The following RPL32 variants were observed in gnomAD, a reference collection of about 807,000 sequenced individuals.
RPL32 encodes ribosomal protein L32.
For synonymous variants in RPL32, 61 were observed against 62.6 expected, an observed-to-expected ratio of 0.98 and a Z score of 0.12; for missense variants, 117 against 173.7, an observed-to-expected ratio of 0.67 and a Z score of 1.83.
intron 2 of RPL32, 31 bp from the exon 3 acceptor site, chr3:12,839,561 G>T (rs369052575): frequency 8.1e-6 from 13 of 1,607,062 alleles, no homozygotes; most frequent in African/African-American, 6.7e-5. Context: ...GTGGGTTAGC[G>T]TCTGTGCAGA....
At chr3:12,837,829 T>TA (rs1374365649) in intron 3 of RPL32, among the ~76,000 whole-genome samples, 9 of 151,816 alleles carry the variant, frequency 5.9e-5, no homozygotes, top group African/African-American at 4.9e-5. Flanking sequence ...GTGAAGAAAA[T>TA]AAACTGTCAC....
chr3:12,836,125 T>A lies in RPL32; in HGVS notation c.377A>T (p.Asn126Ile). 1 of 1,609,840 alleles carries A rather than the reference T, an allele frequency of 6.2e-7. No individual in the cohort carries two copies. Among genetic ancestry groups the A allele is most frequent in the Non-Finnish European group, 8.5e-7 (1 of 1,179,960 alleles). The change falls in exon 4 of 4, where the codon AAT becomes ATT. Residue 126 changes from asparagine (N) to isoleucine (I), a missense_variant. Asn to Ile is a moderately radical substitution (Grantham distance 149). Transcript: ENST00000429711. ...AQLAIRVTNP[N>I]ARLRSEENE ...ATTTTCTTCACTGCGCAGCCTGGCA[T>A]TGGGGTTGGTGACTCTGATGGCCAG...
intron 1 of RPL32, chr3:12,840,923 T>C (rs1279331636): frequency 6.2e-6 from 1 of 161,248 alleles, no homozygotes; most frequent in African/African-American, 2.4e-5. Flanking sequence ...GAACCACGTA[T>C]TCAAAACGAC....
In RPL32 at chr3:12,841,485, A is replaced by G. The variant is rs972255841; in HGVS notation, c.-6+9T>C. 7.2e-5 allele frequency: 11 copies of G among 152,270 alleles called. No homozygotes were observed. Among genetic ancestry groups the G allele is most frequent in the African/African-American group, 2.7e-4 (11 of 41,466 alleles). 9.4% of individuals were successfully genotyped at this position (152,270 alleles called of 1,614,324 possible). ...GCAGGAATGCGGATTGCCACGGATT[A>G]ACACTTACCGAGAAGGAGATGGCTG... On this transcript the variant is annotated intron_variant, in intron 1 of 3. Transcript: ENST00000429711.
rs762701558 is a variant in RPL32 at position 12,840,357 on chromosome 3, G to A, written c.-5-115C>T. 8.6e-6 allele frequency: 7 copies of A among 811,478 alleles called. No individual in the cohort carries two copies. In the East Asian group the frequency reaches 1.2e-4, roughly 14 times the overall value. 50.3% of individuals were successfully genotyped at this position (811,478 alleles called of 1,614,324 possible). On this transcript the variant is annotated intron_variant, in intron 1 of 3. Coordinates refer to ENST00000429711, the MANE Select transcript of RPL32 (RefSeq NM_000994.4). ...CAATCGCCAGCTACGGAGCAAGCTG[G>A]GAATGGAATGGGTGCCTCTGCCAGG... is the stretch of plus-strand genomic sequence containing the variant.
Position 12,837,967 on chromosome 3 carries a change from G to C in RPL32, c.278+1382C>G, listed in dbSNP as rs559331512. On this transcript the variant is annotated intron_variant, in intron 3 of 3. Transcript: ENST00000429711. Reference sequence around the variant, plus strand: ...CCTAGAACTAGCTGGGTGTGGTGGAGTGTGCCTGTGGTCCTAGCTACCAGG... The same window carrying C: ...CCTAGAACTAGCTGGGTGTGGTGGACTGTGCCTGTGGTCCTAGCTACCAGG... Among the ~76,000 whole-genome samples, 6 of 152,314 alleles carry C rather than the reference G, an allele frequency of 3.9e-5. No homozygotes were observed. The South Asian group carries it at 1.2e-3, about 32-fold the overall frequency.
chr3:12,837,758 C>T (rs2062110489), intron 3 of RPL32, among the ~76,000 whole-genome samples: 1 of 152,228 alleles, frequency 6.6e-6, no homozygotes, highest in Admixed American at 6.5e-5. Context: ...GTCACACACA[C>T]TCCATGTTCT....
At position 12,834,603 on chromosome 3, in the gene RPL32, A is replaced by G. The variant is rs2062084519; in HGVS notation, c.*1491T>C. ...GGCTTGGACCTCATGTTTCATTTCT[A>G]ATTTCAAAATACTTATTAGCAAATT... is the stretch of plus-strand genomic sequence containing the variant. On this transcript the variant is annotated 3_prime_UTR_variant, in exon 4 of 4. Transcript: ENST00000429711. 2.6e-5 allele frequency: 4 copies of G among 152,464 alleles called. No individual in the cohort carries two copies. In the South Asian group the frequency reaches 6.2e-4, roughly 24 times the overall value. 9.4% of individuals were successfully genotyped at this position (152,464 alleles called of 1,614,324 possible).
chr3:12,840,074 G>A, intron 2 of RPL32, 68 bp downstream of exon 2: 1 of 1,134,714 alleles, frequency 8.8e-7, no homozygotes, highest in Non-Finnish European at 1.3e-6. Flanking sequence ...TCCTGACTAG[G>A]TGATGTCAGA....
At chr3:12,837,167 ACAAT>A (rs1345708734) in intron 3 of RPL32, among the ~76,000 whole-genome samples, 1 of 152,196 alleles carries the variant, frequency 6.6e-6, no homozygotes, top group Non-Finnish European at 1.5e-5. Flanking sequence ...TTTGATAATC[ACAAT>A]CAGAGTGTAC....
At chr3:12,839,030 C>A (rs371650048) in intron 3 of RPL32, 2 of 407,544 alleles carry the variant, frequency 4.9e-6, no homozygotes, top group African/African-American at 4.0e-5. Context: ...ATAAAGAAAG[C>A]AACATTTTGG....
chr3:12,839,565 G>A, intron 2 of RPL32, 35 bp from the exon 3 acceptor site: 3 of 1,602,714 alleles, frequency 1.9e-6, no homozygotes, highest in Non-Finnish European at 2.6e-6. Context: ...GTTAGCGTCT[G>A]TGCAGAGTGC....
chr3:12,836,567 C>G (rs536986266), intron 3 of RPL32, among the ~76,000 whole-genome samples: 1 of 152,284 alleles, frequency 6.6e-6, no homozygotes, highest in Non-Finnish European at 1.5e-5. Flanking sequence ...GGTTCTCCCC[C>G]AGTCACAGGG....
chr3:12,841,286 G>C (rs767221947), intron 1 of RPL32: 2 of 152,414 alleles, frequency 1.3e-5, no homozygotes, highest in African/African-American at 2.4e-5. Context: ...GCAGCCCGCA[G>C]CTCTGAATAC....
At chr3:12,839,012 A>G (rs2062123963) in intron 3 of RPL32, 1 of 372,542 alleles carries the variant, frequency 2.7e-6, no homozygotes, top group African/African-American at 2.1e-5. Flanking sequence ...CTTTTGCTTG[A>G]CACCTTCATA....
rs1237810253 is a variant in RPL32 at position 12,835,866 on chromosome 3, A to C, written c.*228T>G. On this transcript the variant is annotated 3_prime_UTR_variant, in exon 4 of 4. Coordinates refer to ENST00000429711, the MANE Select transcript of RPL32 (RefSeq NM_000994.4). ...ACCCCTCATACCCAGCCTCAACTGGAGATGACTAAGGCTAGTCTGTGCACT... is the reference window on the plus strand; with the variant it reads ...ACCCCTCATACCCAGCCTCAACTGGCGATGACTAAGGCTAGTCTGTGCACT... 1 of 531,784 alleles carries C rather than the reference A, an allele frequency of 1.9e-6. No individual in the cohort carries two copies. The highest frequency in any genetic ancestry group is 3.4e-5 in the East Asian group (1 of 29,440). The allele number at this position is 531,784 out of a possible 1,614,324, so 32.9% of individuals were successfully genotyped here. A position where few individuals can be genotyped will look rare whatever the true frequency, so the allele number is the denominator to read the frequency against.
At chr3:12,839,235 T>C in intron 3 of RPL32, 114 bp downstream of exon 3, 1 of 892,358 alleles carries the variant, frequency 1.1e-6, no homozygotes. Context: ...CCTCAGAGAA[T>C]GTACAACACC....
chr3:12,840,138 A>G lies in RPL32; in HGVS notation c.96+4T>C, dbSNP rs768503581. On this transcript the variant is annotated splice_donor_region_variant and intron_variant, in intron 2 of 3. Coordinates refer to ENST00000429711, the MANE Select transcript of RPL32 (RefSeq NM_000994.4). ...ACACCCATTTCCATCCCAGGACCAC[A>G]TACCTTAATTTTGACATATCGGTCT... 1 of 1,611,258 alleles carries G rather than the reference A, an allele frequency of 6.2e-7. No homozygotes were observed.
Position 12,836,171 on chromosome 3 carries a change from T to C in RPL32, c.331A>G (p.Ile111Val), listed in dbSNP as rs1364406673. ...GCCAGTTGGGCAGCTCTTTCCACGA[T>C]GGCTTTGCGGTTCTTGGAGGAAACA... ...HNVSSKNRKAIVERAAQLAIR... is the reference protein window; with the variant it reads ...HNVSSKNRKAVVERAAQLAIR... Residue 111 changes from isoleucine to valine, a missense_variant, in exon 4 of 4, where the codon ATC (isoleucine) becomes GTC (valine). Physicochemically the swap from Ile to Val is conservative, Grantham distance 29 (BLOSUM62 3). Coordinates refer to ENST00000429711, the MANE Select transcript of RPL32 (RefSeq NM_000994.4). 6.2e-6 allele frequency: 10 copies of C among 1,603,980 alleles called. No individual in the cohort carries two copies. In the East Asian group the frequency reaches 1.3e-4, roughly 21 times the overall value.
Sources: gnomAD v4.1 joint callset for allele counts (sites outside exome capture counted in the v4.1 genomes callset) on GRCh38, gnomAD v4.1.1 for gene constraint, MANE v1.5 for transcripts, NCBI Gene and HGNC (gene_info 2026-07-23, HGNC 2026-07-21) for gene names.